The following NLGN1 variants were observed in gnomAD, a reference collection of about 807,000 sequenced individuals.
The protein encoded by NLGN1 is neuroligin-1.
In NLGN1, 12 loss-of-function variants were observed where a neutral mutation model predicts 65.5. The observed-to-expected ratio is 0.18, with a 90% CI of 0.12 to 0.30. NLGN1 has a LOEUF of 0.30. NLGN1 is among the 10% of genes least tolerant of loss of function. The pLI, the probability that NLGN1 is intolerant of heterozygous loss-of-function variation, is 1.00. For synonymous variants in NLGN1, 350 were observed against 359.5 expected, an observed-to-expected ratio of 0.97 and a Z score of 0.30; for missense variants, 750 against 1,007.1, an observed-to-expected ratio of 0.74 and a Z score of 3.46.
chr3:173,607,667 G>A (rs1225755887), intron 3 of NLGN1, among the ~76,000 whole-genome samples: 3 of 151,596 alleles, frequency 2.0e-5, no homozygotes, highest in East Asian at 3.9e-4. Flanking sequence ...TATTTTGGGA[G>A]TCAAGAAATT....
chr3:173,612,471 T>C (rs1340883996), intron 3 of NLGN1, among the ~76,000 whole-genome samples: 1 of 152,052 alleles, frequency 6.6e-6, no homozygotes, highest in African/African-American at 2.4e-5. Context: ...CCCTGCTTTT[T>C]TCTAGTTTCC....
chr3:173,674,407 G>C (rs1762852750), intron 3 of NLGN1, among the ~76,000 whole-genome samples: 2 of 152,042 alleles, frequency 1.3e-5, no homozygotes, highest in African/African-American at 4.8e-5. Context: ...GGAGACTGAG[G>C]CTTAGGGAGT....
chr3:173,805,759 A>T (rs953405230), intron 3 of NLGN1, among the ~76,000 whole-genome samples: 1 of 152,206 alleles, frequency 6.6e-6, no homozygotes, highest in African/African-American at 2.4e-5. Flanking sequence ...TAATGATTTC[A>T]GTTTAATAAT....
At chr3:174,138,574 A>G (rs1721660697) in intron 4 of NLGN1, among the ~76,000 whole-genome samples, 1 of 151,848 alleles carries the variant, frequency 6.6e-6, no homozygotes, top group Non-Finnish European at 1.5e-5. Flanking sequence ...AGCTGGGACG[A>G]CAGGCCCCCG....
At position 173,954,120 on chromosome 3, in the gene NLGN1, G is replaced by A. The variant is rs536633863; in HGVS notation, c.646+146288G>A. ...TGTAAAATATTATCATCAGTCTACTGTAACTTATCGACAAGAAAAAATGAA... is the reference window on the plus strand; with the variant it reads ...TGTAAAATATTATCATCAGTCTACTATAACTTATCGACAAGAAAAAATGAA... On this transcript the variant is annotated intron_variant, in intron 4 of 6. Coordinates refer to ENST00000457714, the Ensembl canonical transcript of NLGN1. Among the ~76,000 whole-genome samples, 333 of 151,874 alleles carry A rather than the reference G, an allele frequency of 2.2e-3. 1 individual carries two copies. Among genetic ancestry groups the A allele is most frequent in the African/African-American group, 7.7e-3 (317 of 41,396 alleles).
At chr3:173,611,966 A>G (rs1175550407) in intron 3 of NLGN1, among the ~76,000 whole-genome samples, 1 of 151,972 alleles carries the variant, frequency 6.6e-6, no homozygotes, top group Non-Finnish European at 1.5e-5. Context: ...TTTCACATAT[A>G]TGGCATTCGA....
At chr3:174,281,415 G>A in exon 7 of NLGN1, 1 of 698,480 alleles carries the variant, frequency 1.4e-6, no homozygotes, top group Non-Finnish European at 2.4e-6. Context: ...GGAATATTAT[G>A]TGAATATACA....
chr3:173,726,940 CAAA>C (rs5854531), intron 3 of NLGN1, among the ~76,000 whole-genome samples: 2 of 134,092 alleles, frequency 1.5e-5, no homozygotes, highest in Non-Finnish European at 3.2e-5. Context: ...ATTTCCTTAC[CAAA>C]AAAAAAAAAA....
intron 2 of NLGN1, among the ~76,000 whole-genome samples, chr3:173,496,029 C>G (rs1044115312): frequency 6.6e-6 from 1 of 151,554 alleles, no homozygotes; most frequent in Non-Finnish European, 1.5e-5. Context: ...GCTAATTTCT[C>G]TATCTATGCT....
intron 3 of NLGN1, among the ~76,000 whole-genome samples, chr3:173,629,340 A>C (rs1755318695): frequency 6.6e-6 from 1 of 151,286 alleles, no homozygotes; most frequent in South Asian, 2.1e-4. Flanking sequence ...GGTATTGGAA[A>C]CTCGGGCTCA....
At chr3:173,598,121 T>C (rs1749804530) in intron 2 of NLGN1, among the ~76,000 whole-genome samples, 1 of 152,202 alleles carries the variant, frequency 6.6e-6, no homozygotes, top group Non-Finnish European at 1.5e-5. Flanking sequence ...AGTTTGTTTT[T>C]TAAGGGTTAC....
intron 4 of NLGN1, among the ~76,000 whole-genome samples, chr3:174,060,451 C>T (rs1260806044): frequency 6.6e-6 from 1 of 152,096 alleles, no homozygotes; most frequent in East Asian, 1.9e-4. Flanking sequence ...CCCCTTTACC[C>T]TCCTTGAACA....
chr3:174,048,066 T>C (rs1173172545), intron 4 of NLGN1, among the ~76,000 whole-genome samples: 1 of 152,098 alleles, frequency 6.6e-6, no homozygotes, highest in Non-Finnish European at 1.5e-5. Flanking sequence ...CAGGAGGGAC[T>C]TATCTGTCCT....
intron 4 of NLGN1, among the ~76,000 whole-genome samples, chr3:174,261,290 C>A: frequency 6.7e-6 from 1 of 149,198 alleles, no homozygotes; most frequent in Non-Finnish European, 1.5e-5. Flanking sequence ...TGGCCATTTT[C>A]ACGATATTGA....
chr3:173,438,776 C>T (rs2148784785), intron 2 of NLGN1, among the ~76,000 whole-genome samples: 1 of 152,118 alleles, frequency 6.6e-6, no homozygotes, highest in African/African-American at 2.4e-5. Context: ...ATACAGTTGC[C>T]TTCAGGGAGT....
At chr3:174,069,538 A>G (rs1739375517) in intron 4 of NLGN1, among the ~76,000 whole-genome samples, 1 of 152,208 alleles carries the variant, frequency 6.6e-6, no homozygotes, top group Non-Finnish European at 1.5e-5. Context: ...ATATAAACCT[A>G]TGTTATCAAA....
intron 4 of NLGN1, among the ~76,000 whole-genome samples, chr3:174,076,694 A>C (rs1212313701): frequency 6.6e-5 from 8 of 121,878 alleles, no homozygotes; most frequent in African/African-American, 2.5e-4. Flanking sequence ...AGAGAGAGAG[A>C]GAGAGAGAGA....
At chr3:173,972,384 C>A (rs1000519705) in intron 4 of NLGN1, among the ~76,000 whole-genome samples, 1 of 152,070 alleles carries the variant, frequency 6.6e-6, no homozygotes, top group African/African-American at 2.4e-5. Flanking sequence ...CTGCTTAGAG[C>A]TCTACAATGG....
chr3:173,512,130 C>G (rs1733081107), intron 2 of NLGN1, among the ~76,000 whole-genome samples: 1 of 152,190 alleles, frequency 6.6e-6, no homozygotes, highest in Admixed American at 6.5e-5. Context: ...AGGCTGAGCT[C>G]TCTTAGCTCT....
Sources: gnomAD v4.1 joint callset for allele counts (sites outside exome capture counted in the v4.1 genomes callset) on GRCh38, gnomAD v4.1.1 for gene constraint, MANE v1.5 for transcripts, NCBI Gene and HGNC (gene_info 2026-07-23, HGNC 2026-07-21) for gene names.